The following PTPRD variants were observed in gnomAD, a reference collection of about 807,000 sequenced individuals.
PTPRD encodes the protein protein tyrosine phosphatase receptor type D.
In PTPRD, 34 loss-of-function variants were observed where a neutral mutation model predicts 214.5. The observed-to-expected ratio is 0.16, with a 90% CI of 0.12 to 0.21. PTPRD has a LOEUF of 0.21. PTPRD is among the 10% of genes least tolerant of loss of function. The probability of loss-of-function intolerance (pLI) is 1.00; values close to 1 mark genes in which losing one functional copy is unlikely to be tolerated. For missense variants in PTPRD, 2,545 were observed against 2,398.7 expected, an observed-to-expected ratio of 1.06 and a Z score of -1.27; for synonymous variants, 1,128 against 845.7, an observed-to-expected ratio of 1.33 and a Z score of -5.79.
intron 37 of PTPRD, among the ~76,000 whole-genome samples, chr9:8,387,653 G>T (rs1003640820): frequency 6.6e-6 from 1 of 152,124 alleles, no homozygotes; most frequent in Non-Finnish European, 1.5e-5. Context: ...CGTGTGTTCT[G>T]GAGCCAGACT....
intron 11 of PTPRD, among the ~76,000 whole-genome samples, chr9:8,817,333 CTTTAAT>C (rs2096940783): frequency 6.6e-6 from 1 of 152,186 alleles, no homozygotes; most frequent in Non-Finnish European, 1.5e-5. Context: ...ATATTCCTAT[CTTTAAT>C]TTTATTTAGA....
At chr9:9,361,992 C>T (rs372536471) in intron 9 of PTPRD, among the ~76,000 whole-genome samples, 79 of 151,028 alleles carry the variant, frequency 5.2e-4, no homozygotes, top group African/African-American at 1.9e-3. Context: ...GAAGAGCCAA[C>T]GTTAGTCATT....
chr9:8,354,266 C>T (rs1372810108), intron 39 of PTPRD, among the ~76,000 whole-genome samples: 1 of 151,860 alleles, frequency 6.6e-6, no homozygotes, highest in Non-Finnish European at 1.5e-5. Flanking sequence ...AAATGGGATT[C>T]ACTTCCACAA....
rs191271051 is a variant in PTPRD, at chr9:9,272,898, G to A, written c.-202-89535C>T. Among the ~76,000 whole-genome samples the A allele has an allele frequency of 2.6e-5, 4 of 151,354 alleles. No individual in the cohort carries two copies. In the East Asian group the frequency reaches 7.9e-4, roughly 30 times the overall value. ...ATATTTAATATTTTCAGGGGAAACAGCAACACTGCACATACAAGCTTGAGG... is the reference window on the plus strand; with the variant it reads ...ATATTTAATATTTTCAGGGGAAACAACAACACTGCACATACAAGCTTGAGG... On this transcript the variant is annotated intron_variant, in intron 9 of 45. Coordinates refer to ENST00000381196, the MANE Select transcript of PTPRD (RefSeq NM_002839.4).
chr9:9,074,307 C>A (rs547681934), intron 10 of PTPRD, among the ~76,000 whole-genome samples: 8 of 151,908 alleles, frequency 5.3e-5, no homozygotes, highest in African/African-American at 1.9e-4. Context: ...AGGAGTAGCA[C>A]AGGGTATAAA....
At chr9:9,772,259 A>G (rs534670111) in intron 5 of PTPRD, among the ~76,000 whole-genome samples, 1 of 152,244 alleles carries the variant, frequency 6.6e-6, no homozygotes, top group South Asian at 2.1e-4. Context: ...AAAGACTCTC[A>G]GAAGAAATTA....
chr9:10,468,056 G>C (rs970297399), intron 2 of PTPRD, among the ~76,000 whole-genome samples: 9 of 152,118 alleles, frequency 5.9e-5, no homozygotes, highest in African/African-American at 2.2e-4. Context: ...GTTGGTGGGA[G>C]TGTAAATTAG....
chr9:10,573,925 T>C (rs551958037), intron 2 of PTPRD, among the ~76,000 whole-genome samples: 6 of 152,120 alleles, frequency 3.9e-5, no homozygotes, highest in African/African-American at 7.2e-5. Context: ...CACATGTACC[T>C]TAAAACTTAA....
intron 12 of PTPRD, among the ~76,000 whole-genome samples, chr9:8,654,222 C>G (rs1055827558): frequency 1.3e-5 from 2 of 152,200 alleles, no homozygotes; most frequent in African/African-American, 2.4e-5. Context: ...GTCACCCTAG[C>G]TCAGATGCCT....
At chr9:8,633,561 A>G in intron 13 of PTPRD, 103 bp from the exon 14 acceptor site, 1 of 1,317,570 alleles carries the variant, frequency 7.6e-7, no homozygotes, top group South Asian at 1.4e-5. Context: ...CTCATAATAA[A>G]CTAGGCATCA....
At chr9:10,004,770 C>A (rs972658874) in intron 4 of PTPRD, among the ~76,000 whole-genome samples, 5 of 151,996 alleles carry the variant, frequency 3.3e-5, no homozygotes, top group Non-Finnish European at 5.9e-5. Context: ...TTTCAGTAAG[C>A]AAACTAAGTT....
intron 4 of PTPRD, among the ~76,000 whole-genome samples, chr9:9,969,945 T>G (rs1269302953): frequency 6.6e-6 from 1 of 152,134 alleles, no homozygotes; most frequent in Non-Finnish European, 1.5e-5. Flanking sequence ...TGCACTGTGC[T>G]TTCTTATCTC....
intron 3 of PTPRD, among the ~76,000 whole-genome samples, chr9:10,224,746 C>T (rs1195490971): frequency 6.6e-6 from 1 of 151,876 alleles, no homozygotes; most frequent in Non-Finnish European, 1.5e-5. Context: ...ACAGGAAGAC[C>T]AACTCTCCTC....
intron 9 of PTPRD, among the ~76,000 whole-genome samples, chr9:9,198,654 A>G (rs138496975): frequency 6.6e-6 from 1 of 152,296 alleles, no homozygotes; most frequent in East Asian, 1.9e-4. Context: ...TCAAATGCAA[A>G]CTTAGGAGTT....
chr9:9,069,660 G>A (rs1411704640), intron 10 of PTPRD, among the ~76,000 whole-genome samples: 1 of 152,202 alleles, frequency 6.6e-6, no homozygotes, highest in Non-Finnish European at 1.5e-5. Context: ...GTAGTGACCA[G>A]TGTCGTGCCT....
intron 8 of PTPRD, among the ~76,000 whole-genome samples, chr9:9,486,184 A>AAAAAAAC (rs1449101646): frequency 3.7e-5 from 5 of 135,438 alleles, no homozygotes; most frequent in Non-Finnish European, 6.4e-5. Flanking sequence ...AAAAAAAAAA[A>AAAAAAAC]AGCCTTCCCT....
chr9:9,310,099 C>T (rs963916692), intron 9 of PTPRD, among the ~76,000 whole-genome samples: 1 of 152,164 alleles, frequency 6.6e-6, no homozygotes, highest in African/African-American at 2.4e-5. Context: ...AGAGGAGTCC[C>T]TGCAGATCTC....
In PTPRD at chr9:9,937,259, T is replaced by C. The variant is rs201078712; in HGVS notation, c.-368+1248A>G. Among the ~76,000 whole-genome samples the C allele has an allele frequency of 5.9e-5, 9 of 151,344 alleles. No individual in the cohort carries two copies. In the East Asian group the frequency reaches 1.7e-3, roughly 29 times the overall value. On this transcript the variant is annotated intron_variant, in intron 5 of 45. Transcript: ENST00000381196. ...AAAATAAAAAATAAAAAATAAAAAA[T>C]AAATTACTATATTGGTCTCTTTTAT... is the stretch of plus-strand genomic sequence containing the variant.
At position 8,742,782 on chromosome 9, in the gene PTPRD, G is replaced by T. The variant is rs117546228; in HGVS notation, c.-103-8836C>A. Among the ~76,000 whole-genome samples the T allele has an allele frequency of 2.5e-3, 384 of 152,234 alleles. 5 individuals carry two copies. In the East Asian group the frequency reaches 0.06, roughly 24 times the overall value. On this transcript the variant is annotated intron_variant, in intron 11 of 45. Transcript: ENST00000381196. ...AAATAGTTCATTATGATAGCTCAAA[G>T]AAAACTAATTTAGCGCCTCGCAGGT...
Sources: allele counts gnomAD v4.1 joint callset (sites outside exome capture counted in the v4.1 genomes callset), GRCh38; gene constraint gnomAD v4.1.1; transcripts MANE v1.5; gene names NCBI Gene and HGNC (gene_info 2026-07-23, HGNC 2026-07-21).